STK31: variants seen among roughly 807,000 people sequenced by gnomAD.
STK31 encodes the protein serine/threonine-protein kinase 31.
STK31 carries 89 observed loss-of-function variants against 129.7 expected under a neutral mutation model. That is an observed-to-expected ratio of 0.69 (90% CI 0.58 to 0.82). The LOEUF (loss-of-function observed/expected upper bound fraction) is 0.82, where lower values mean the gene tolerates loss of function less well. Ranked by LOEUF, STK31 falls within the 40% of genes least tolerant of loss-of-function variation. The pLI is 0.00. For missense variants in STK31, 1,187 were observed against 1,176.4 expected (o/e 1.01, Z -0.13); for synonymous variants, 448 against 395.3 (o/e 1.13, Z -1.58).
At chr7:23,749,953 C>G (rs892880134) in intron 8 of STK31, among the ~76,000 whole-genome samples, 1 of 150,524 alleles carries the variant, frequency 6.6e-6, no homozygotes, top group Admixed American at 6.8e-5. Flanking sequence ...TCCCCCAGGT[C>G]AGTTAGGCTT....
Position 23,815,264 on chromosome 7 carries a change from A to T in STK31, c.2829+52A>T, listed in dbSNP as rs758481405. The T allele has an allele frequency of 9.0e-6, 11 of 1,222,276 alleles. No homozygotes were observed. In the South Asian group the frequency reaches 1.6e-4, roughly 18 times the overall value. 75.7% of individuals were successfully genotyped at this position (1,222,276 alleles called of 1,614,324 possible). A position where few individuals can be genotyped will look rare whatever the true frequency, so the allele number is the denominator to read the frequency against. ...GTTTGAAACACATGCAGTAATATAA[A>T]CTTAGATATCTGACTGAAAGTTGTC... On this transcript the variant is annotated intron_variant, in intron 23 of 23. Transcript: ENST00000355870.
intron 15 of STK31, among the ~76,000 whole-genome samples, chr7:23,776,432 G>C (rs1444530600): frequency 6.6e-6 from 1 of 152,098 alleles, no homozygotes; most frequent in Non-Finnish European, 1.5e-5. Flanking sequence ...TACCTCTGGT[G>C]GAATTCACCT....
chr7:23,816,443 G>A lies in STK31; in HGVS notation c.2829+1231G>A, dbSNP rs983040408. 3.3e-5 allele frequency among the ~76,000 whole-genome samples: 5 copies of A among 152,276 alleles called. No individual in the cohort carries two copies. In the East Asian group the frequency reaches 7.7e-4, roughly 24 times the overall value. On this transcript the variant is annotated intron_variant, in intron 23 of 23. Transcript: ENST00000355870. ...TTACAGTTTCGTGAGTCAGGAATCT[G>A]GACACAGCTTATTTGGGATTTCTGC...
chr7:23,776,068 T>G (rs1367689804), intron 15 of STK31, among the ~76,000 whole-genome samples: 1 of 152,282 alleles, frequency 6.6e-6, no homozygotes, highest in African/African-American at 2.4e-5. Context: ...AGGCTTTTTC[T>G]GCATCTGTTG....
chr7:23,785,329 A>G (rs1268324912), intron 17 of STK31, 149 bp from the exon 18 acceptor site: 1 of 1,066,330 alleles, frequency 9.4e-7, no homozygotes, highest in Non-Finnish European at 1.3e-6. Context: ...TGGAGAAAGT[A>G]CACAGTTTTA....
chr7:23,772,334 T>G, intron 15 of STK31, 56 bp downstream of exon 15: 1 of 1,540,476 alleles, frequency 6.5e-7, no homozygotes, highest in Non-Finnish European at 8.7e-7. Flanking sequence ...TTACTTGGTC[T>G]CTGCTTCATA....
intron 8 of STK31, 150 bp downstream of exon 8, chr7:23,737,228 T>C: frequency 1.7e-6 from 1 of 572,498 alleles, no homozygotes; most frequent in South Asian, 7.5e-5. Context: ...GAATTTTTTT[T>C]CATATACTCC....
intron 8 of STK31, among the ~76,000 whole-genome samples, chr7:23,740,873 A>G (rs967977905): frequency 1.3e-5 from 2 of 152,186 alleles, no homozygotes; most frequent in African/African-American, 4.8e-5. Context: ...GGAAAATTTC[A>G]ACTATTTAGT....
intron 6 of STK31, among the ~76,000 whole-genome samples, chr7:23,733,863 T>A (rs774780596): frequency 3.3e-5 from 5 of 152,064 alleles, no homozygotes; most frequent in Non-Finnish European, 5.9e-5. Context: ...TTTTTTGTAA[T>A]CCTATGTATT....
intron 11 of STK31, among the ~76,000 whole-genome samples, chr7:23,763,946 A>G (rs1329468859): frequency 6.6e-6 from 1 of 152,144 alleles, no homozygotes; most frequent in African/African-American, 2.4e-5. Context: ...ACCAGTAGCT[A>G]ATATCGATCT....
At chr7:23,802,720 A>AC (rs1460545570) in intron 22 of STK31, among the ~76,000 whole-genome samples, 1 of 151,992 alleles carries the variant, frequency 6.6e-6, no homozygotes, top group Non-Finnish European at 1.5e-5. Flanking sequence ...CACTATGTTG[A>AC]CCAGGCTGGT....
At chr7:23,762,005 A>C (rs1184369833) in intron 10 of STK31, among the ~76,000 whole-genome samples, 1 of 151,482 alleles carries the variant, frequency 6.6e-6, no homozygotes, top group African/African-American at 2.4e-5. Flanking sequence ...AGCTTATGCA[A>C]GAAAAAATAT....
chr7:23,765,822 C>A (rs1408573532), intron 11 of STK31, among the ~76,000 whole-genome samples: 1 of 152,210 alleles, frequency 6.6e-6, no homozygotes, highest in Non-Finnish European at 1.5e-5. Flanking sequence ...GTTGGGATTA[C>A]AGGCGTGAGC....
intron 7 of STK31, among the ~76,000 whole-genome samples, chr7:23,736,596 C>T (rs1242739782): frequency 6.7e-6 from 1 of 149,118 alleles, no homozygotes; most frequent in Non-Finnish European, 1.5e-5. Context: ...GGGGGGGGAT[C>T]ACAGGAGGGA....
intron 22 of STK31, among the ~76,000 whole-genome samples, chr7:23,796,229 G>C (rs925209973): frequency 6.6e-6 from 1 of 152,160 alleles, no homozygotes; most frequent in African/African-American, 2.4e-5. Context: ...CCCTATGCCT[G>C]CATGTATATT....
chr7:23,713,519 CTT>C (rs1449066826), intron 3 of STK31, among the ~76,000 whole-genome samples: 1 of 152,128 alleles, frequency 6.6e-6, no homozygotes, highest in East Asian at 1.9e-4. Flanking sequence ...TTTTAATAAA[CTT>C]TTGACTCATT....
At chr7:23,751,020 T>C (rs960198539) in intron 8 of STK31, among the ~76,000 whole-genome samples, 3 of 152,196 alleles carry the variant, frequency 2.0e-5, no homozygotes, top group African/African-American at 7.2e-5. Context: ...TCTTTATTCT[T>C]CTATCCCTAC....
Position 23,762,807 on chromosome 7 carries a change from G to A in STK31, c.1300G>A (p.Gly434Arg). The A allele has an allele frequency of 3.1e-6, 5 of 1,609,764 alleles. No individual in the cohort carries two copies. The highest frequency in any genetic ancestry group is 4.2e-6 in the Non-Finnish European group (5 of 1,178,628). The change falls in exon 11 of 24, where the codon GGG becomes AGG. Residue 434 changes from glycine to arginine, a missense_variant. Transcript: ENST00000355870. The part of the protein sequence containing the change: ...NIKTCEYVSE[G>R]NILIAQRNEM... ...TCTTTTTTTCTTCCTCCAGAGTGAA[G>A]GGAATATTTTGATTGCCCAAAGAAA...
chr7:23,726,457 A>AAAAAAAAAC (rs1439128727), intron 4 of STK31: 1 of 136,458 alleles, frequency 7.3e-6, no homozygotes, highest in Non-Finnish European at 1.6e-5. Flanking sequence ...AAAAAAAAAA[A>AAAAAAAAAC]TACAAAACTT....
Sources: gnomAD v4.1 joint callset for allele counts (sites outside exome capture counted in the v4.1 genomes callset) on GRCh38, gnomAD v4.1.1 for gene constraint, MANE v1.5 for transcripts, NCBI Gene and HGNC (gene_info 2026-07-23, HGNC 2026-07-21) for gene names.